BLTP1: variants seen among roughly 807,000 people sequenced by gnomAD.
BLTP1 encodes the protein bridge-like lipid transfer protein family member 1, also known as fragile site-associated protein.
chr4:122,202,311 T>C, the BLTP1 span, among the ~76,000 whole-genome samples: 5 of 152,252 alleles, frequency 3.3e-5, no homozygotes, highest in East Asian at 9.6e-4. Context: ...AAATTATAGC[T>C]AAAACTTATA....
chr4:122,320,183 C>G, the BLTP1 span, among the ~76,000 whole-genome samples: 1 of 152,090 alleles, frequency 6.6e-6, no homozygotes, highest in Non-Finnish European at 1.5e-5. Flanking sequence ...GGGTTTCACT[C>G]TGTTGCACAG....
chr4:122,302,948 G>T, the BLTP1 span, among the ~76,000 whole-genome samples: 1 of 152,208 alleles, frequency 6.6e-6, no homozygotes, highest in African/African-American at 2.4e-5. Context: ...TTTAAGGAAA[G>T]AACCTGTCTT....
At chr4:122,238,030 T>G in the BLTP1 span, 1 of 1,520,488 alleles carries the variant, frequency 6.6e-7, no homozygotes, top group African/African-American at 1.4e-5. Flanking sequence ...TAGATTGCCA[T>G]GTTTTTTATA....
chr4:122,237,271 G>C, the BLTP1 span: 1 of 985,324 alleles, frequency 1.0e-6, no homozygotes, highest in Non-Finnish European at 1.2e-6. Flanking sequence ...GGCAGCTATA[G>C]AATTCTCTTT....
At chr4:122,229,294 C>T in the BLTP1 span, 1 of 1,354,116 alleles carries the variant, frequency 7.4e-7, no homozygotes. Flanking sequence ...TAAACCAAAC[C>T]TCTATTTCTT....
the BLTP1 span, chr4:122,293,116 A>G: frequency 1.0e-6 from 1 of 960,462 alleles, no homozygotes; most frequent in Non-Finnish European, 1.2e-6. Flanking sequence ...AATCAAGTAT[A>G]GAGGATATGA....
the BLTP1 span, chr4:122,289,947 C>G: frequency 3.2e-5 from 9 of 282,874 alleles, no homozygotes; most frequent in African/African-American, 2.1e-4. Context: ...TCAGAAAAGG[C>G]TTCTCAGAAG....
the BLTP1 span, among the ~76,000 whole-genome samples, chr4:122,178,582 A>C: frequency 2.5e-3 from 377 of 152,308 alleles, 3 homozygotes; most frequent in South Asian, 0.012. Context: ...CATAAAGAGA[A>C]AGGTATTAAT....
the BLTP1 span, chr4:122,249,145 A>T: frequency 4.2e-6 from 3 of 722,280 alleles, no homozygotes; most frequent in Non-Finnish European, 5.1e-6. Context: ...AATTAATTGA[A>T]TTTTTTTTTT....
the BLTP1 span, chr4:122,229,898 C>T: frequency 1.9e-6 from 3 of 1,579,074 alleles, no homozygotes; most frequent in South Asian, 2.3e-5. Flanking sequence ...ACAGAAATTA[C>T]ACTTTTGTTT....
At chr4:122,214,324 T>C in the BLTP1 span, 1 of 922,436 alleles carries the variant, frequency 1.1e-6, no homozygotes, top group African/African-American at 1.8e-5. Flanking sequence ...AATTGAAATG[T>C]AGTTTATCAT....
the BLTP1 span, chr4:122,359,584 C>T: frequency 2.5e-6 from 4 of 1,611,184 alleles, no homozygotes; most frequent in Admixed American, 6.7e-5. Flanking sequence ...ATTTTATCTA[C>T]TCGACCAGGA....
chr4:122,226,231 C>G, the BLTP1 span: 2 of 172,402 alleles, frequency 1.2e-5, no homozygotes, highest in Non-Finnish European at 2.3e-5. Context: ...TATATACTTA[C>G]TTAAGCTTCT....
At chr4:122,170,873 T>C in the BLTP1 span, 7 of 575,664 alleles carry the variant, frequency 1.2e-5, no homozygotes, top group Admixed American at 1.2e-4. Context: ...GGAAGGAAGA[T>C]TGTTATTTAT....
At chr4:122,172,150 G>A in the BLTP1 span, 1 of 305,726 alleles carries the variant, frequency 3.3e-6, no homozygotes, top group East Asian at 1.7e-4. Context: ...AATCTAAGCT[G>A]CCCTGGGAAT....
chr4:122,355,484 T>A, the BLTP1 span, among the ~76,000 whole-genome samples: 210 of 151,036 alleles, frequency 1.4e-3, no homozygotes, highest in Middle Eastern at 0.011. Flanking sequence ...ATGTATTGGG[T>A]TTATACAAAT....
At chr4:122,237,196 T>C in the BLTP1 span, 5 of 985,470 alleles carry the variant, frequency 5.1e-6, no homozygotes, top group Non-Finnish European at 6.0e-6. Context: ...ATTTACTTTT[T>C]TTGGCTAAAA....
At chr4:122,247,085 C>G in the BLTP1 span, 1 of 1,483,392 alleles carries the variant, frequency 6.7e-7, no homozygotes. Context: ...TAAAGGAAAC[C>G]TTTTAGGTAA....
the BLTP1 span, chr4:122,179,943 G>T: frequency 3.0e-6 from 3 of 985,124 alleles, no homozygotes; most frequent in Non-Finnish European, 2.4e-6. Context: ...CCAGCAGTGA[G>T]CATGTCCCCT....
Sources: gnomAD v4.1 joint callset for allele counts (sites outside exome capture counted in the v4.1 genomes callset) on GRCh38, gnomAD v4.1.1 for gene constraint, MANE v1.5 for transcripts, NCBI Gene and HGNC (gene_info 2026-07-23, HGNC 2026-07-21) for gene names.